The following ROBO4 variants were observed in gnomAD, a reference collection of about 807,000 sequenced individuals.
ROBO4 encodes the protein roundabout homolog 4.
Under a neutral mutation model 103.3 loss-of-function variants are expected in ROBO4, and 80 were observed. That is an observed-to-expected ratio of 0.77 (90% CI 0.65 to 0.93). ROBO4 has a LOEUF of 0.93. Ranked by LOEUF, ROBO4 falls within the 40% of genes least tolerant of loss-of-function variation. ROBO4 has a pLI of 0.00. For synonymous variants in ROBO4, 504 were observed against 529.7 expected, an observed-to-expected ratio of 0.95 and a Z score of 0.67; for missense variants, 1,333 against 1,305.3, an observed-to-expected ratio of 1.02 and a Z score of -0.33.
chr11:124,895,624 G>A lies in ROBO4; in HGVS notation c.869C>T (p.Pro290Leu), dbSNP rs146956716. The change falls in exon 6 of 18, where the codon CCG (proline) becomes CTG (leucine). Residue 290 changes from proline (P) to leucine (L), a missense_variant. Physicochemically the swap from Pro to Leu is moderately conservative, Grantham distance 98 (BLOSUM62 -3). Transcript: ENST00000306534. Reference sequence around the variant, plus strand: ...TGCCCACGGAGCTCCCTGGCCTCCCGGGGCAGTCTGGGTCCTGAACAAGGC... The same window carrying A: ...TGCCCACGGAGCTCCCTGGCCTCCCAGGGCAGTCTGGGTCCTGAACAAGGC... ...YTALFRTQTAPGGQGAPWAEE... is the reference protein window; with the variant it reads ...YTALFRTQTALGGQGAPWAEE... 70 of 1,613,754 alleles carry A rather than the reference G, an allele frequency of 4.3e-5. No homozygotes were observed. In the South Asian group the frequency reaches 5.3e-4, roughly 12 times the overall value.
In ROBO4 at chr11:124,895,516, G is replaced by A. The variant is rs1946870870; in HGVS notation, c.977C>T (p.Ser326Phe). The stretch of plus-strand genomic sequence containing the variant: ...GTCAGGGCCTCGAGCCCGGCCAGAG[G>A]ATGGTCTCACTTTGAACTCGTAGTC... ...GQDYEFKVRP[S>F]SGRARGPDSN... Residue 326 changes from serine (S) to phenylalanine (F), a missense_variant, in exon 6 of 18, where the codon TCC (serine) becomes TTC (phenylalanine). By Grantham distance (155) the Ser-to-Phe change is radical. Transcript: ENST00000306534. 1 of 1,611,740 alleles carries A rather than the reference G, an allele frequency of 6.2e-7. No homozygotes were observed.
chr11:124,886,638 C>A lies in ROBO4; in HGVS notation c.2620G>T (p.Ala874Ser). The change falls in exon 16 of 18, where the codon GCC (alanine) becomes TCC (serine). Residue 874 changes from alanine to serine, a missense_variant. Physicochemically the swap from Ala to Ser is moderately conservative, Grantham distance 99. Transcript: ENST00000306534. Reference protein sequence around the residue: ...LTPTPSEGSLANGWGSASEDN... With the variant: ...LTPTPSEGSLSNGWGSASEDN... The stretch of plus-strand genomic sequence containing the variant: ...TCAGAGGCTGAGCCCCAACCATTGG[C>A]TAAGGAGCCCTCGCTGGGGGTGGGG... 1 of 1,614,070 alleles carries A rather than the reference C, an allele frequency of 6.2e-7. No individual in the cohort carries two copies.
rs1308617796 is a variant in ROBO4, at chr11:124,886,656, G to C, written c.2602C>G (p.Pro868Ala). 1 of 1,613,946 alleles carries C rather than the reference G, an allele frequency of 6.2e-7. No homozygotes were observed. The highest frequency in any genetic ancestry group is 1.1e-5 in the South Asian group (1 of 91,074). ...CCATTGGCTAAGGAGCCCTCGCTGG[G>C]GGTGGGGGTGAGGCAGGGCCGAGGT... ...CPPRPCLTPT[P>A]SEGSLANGWG... The change falls in exon 16 of 18, where the codon CCC (proline) becomes GCC (alanine). Residue 868 changes from proline (P) to alanine (A), a missense_variant. Pro to Ala is a conservative substitution (Grantham distance 27). Transcript: ENST00000306534.
rs1946740632 is a variant in ROBO4, at chr11:124,887,798, T to C, written c.1991A>G (p.His664Arg). ...ANSSPLLRGSHSLELRACELG... is the reference protein window; with the variant it reads ...ANSSPLLRGSRSLELRACELG... Reference sequence around the variant, plus strand: ...CTCACAGGCCCGGAGCTCCAAGGAGTGGCTGCCCCGGAGCAGTGGGGAACT... The same window carrying C: ...CTCACAGGCCCGGAGCTCCAAGGAGCGGCTGCCCCGGAGCAGTGGGGAACT... The change falls in exon 13 of 18, where the codon CAC becomes CGC. Residue 664 changes from histidine (H) to arginine (R), a missense_variant. By Grantham distance (29) the His-to-Arg change is conservative. Transcript: ENST00000306534. 1.2e-6 allele frequency: 2 copies of C among 1,613,664 alleles called. No homozygotes were observed.
Position 124,886,707 on chromosome 11 carries a change from G to A in ROBO4, c.2551C>T (p.Pro851Ser), listed in dbSNP as rs1049069982. 2 of 1,608,034 alleles carry A rather than the reference G, an allele frequency of 1.2e-6. No homozygotes were observed. The highest frequency in any genetic ancestry group is 1.3e-5 in the African/African-American group (1 of 74,950). Residue 851 changes from proline (P) to serine (S), a missense_variant, in exon 16 of 18, where the codon CCC becomes TCC. By Grantham distance (74) the Pro-to-Ser change is moderately conservative. Coordinates refer to ENST00000306534, the MANE Select transcript of ROBO4 (RefSeq NM_019055.6). ...GGGCACAGCAAGACTCCCCCCTTGGGCCCCACCCCTCCTCCAGTCCTGCCC... is the reference window on the plus strand; with the variant it reads ...GGGCACAGCAAGACTCCCCCCTTGGACCCCACCCCTCCTCCAGTCCTGCCC... ...DMGRTGGGVG[P>S]KGGVLLCPPR...
rs1565320729 is a variant in ROBO4, at chr11:124,885,179, C to G, written c.2863G>C (p.Glu955Gln). ...TCTTCCAACCAGTCTGGCCTCCACT[C>G]CCACAGGGGCAGGGAGAGGTTGGGG... The part of the protein sequence containing the change: ...LTPNLSLPLW[E>Q]WRPDWLEDME... The change falls in exon 17 of 18, where the codon GAG (glutamate) becomes CAG (glutamine). Residue 955 changes from glutamate to glutamine, a missense_variant. Physicochemically the swap from Glu to Gln is conservative, Grantham distance 29. Coordinates refer to ENST00000306534, the MANE Select transcript of ROBO4 (RefSeq NM_019055.6). 2 of 1,613,976 alleles carry G rather than the reference C, an allele frequency of 1.2e-6. No homozygotes were observed. The highest frequency in any genetic ancestry group is 4.5e-5 in the East Asian group (2 of 44,884).
intron 16 of ROBO4, 128 bp from the exon 17 acceptor site, chr11:124,885,375 G>C: frequency 1.4e-6 from 1 of 690,966 alleles, no homozygotes; most frequent in Non-Finnish European, 2.4e-6. Flanking sequence ...CCCCAACTCA[G>C]CCCATCAGTC....
At chr11:124,895,982 T>C in intron 4 of ROBO4, 70 bp from the exon 5 acceptor site, 1 of 1,597,772 alleles carries the variant, frequency 6.3e-7, no homozygotes, top group Non-Finnish European at 8.5e-7. Context: ...GGAACATCCC[T>C]CAGCCAGGGA....
chr11:124,888,294 ACTC>A (rs1455203838), intron 12 of ROBO4, among the ~76,000 whole-genome samples: 4 of 152,050 alleles, frequency 2.6e-5, no homozygotes, highest in Non-Finnish European at 2.9e-5. Flanking sequence ...TAAGAAAAAT[ACTC>A]CTTCTTTTCT....
intron 10 of ROBO4, chr11:124,892,014 A>G (rs1326385584): frequency 1.4e-6 from 1 of 714,100 alleles, no homozygotes; most frequent in Non-Finnish European, 2.5e-6. Context: ...GATGAGGGGA[A>G]ATCCGAGTCA....
intron 12 of ROBO4, among the ~76,000 whole-genome samples, chr11:124,889,676 C>T (rs1946771167): frequency 6.6e-6 from 1 of 152,132 alleles, no homozygotes; most frequent in Admixed American, 6.5e-5. Flanking sequence ...GTGAGGATAT[C>T]AGCACTGGAG....
rs1045306019 is a variant in ROBO4 at position 124,894,043 on chromosome 11, G to C, written c.1321C>G (p.Gln441Glu). The change falls in exon 9 of 18, where the codon CAG becomes GAG. Residue 441 changes from glutamine (Q) to glutamate (E), a missense_variant and splice_region_variant. Coordinates refer to ENST00000306534, the MANE Select transcript of ROBO4 (RefSeq NM_019055.6). ...PSRPVCLLLEQAMERATQEPS... is the reference protein window; with the variant it reads ...PSRPVCLLLEEAMERATQEPS... ...TCTTGGGTGGCTCGCTCCATGGCCT[G>C]CTCTGTATGGGATGCAGAGCTCAGA... 6.5e-7 allele frequency: 1 copy of C among 1,546,200 alleles called. No homozygotes were observed. Among genetic ancestry groups the C allele is most frequent in the African/African-American group, 1.4e-5 (1 of 73,254 alleles).
rs770154109 is a variant in ROBO4, at chr11:124,895,629, A to G, written c.864T>C (p.Thr288=). The change falls in exon 6 of 18, where the codon ACT becomes ACC. Residue 288 remains threonine, a synonymous_variant. Transcript: ENST00000306534. ...QSYTALFRTQ[T]APGGQGAPWA... ...ACGGAGCTCCCTGGCCTCCCGGGGC[A>G]GTCTGGGTCCTGAACAAGGCCGTGT... 1 of 1,613,860 alleles carries G rather than the reference A, an allele frequency of 6.2e-7. No homozygotes were observed. The highest frequency in any genetic ancestry group is 8.5e-7 in the Non-Finnish European group (1 of 1,180,008).
Position 124,885,099 on chromosome 11 carries a change from A to G in ROBO4, c.2943T>C (p.Pro981=), listed in dbSNP as rs748336903. The part of the protein sequence containing the change: ...RLGRGMPPWP[P]DSQISSQRSQ... Reference sequence around the variant, plus strand: ...TTCTCTGGGAAGAGATCTGAGAGTCAGGGGGCCAGGGAGGCATCCCCCTTC... The same window carrying G: ...TTCTCTGGGAAGAGATCTGAGAGTCGGGGGGCCAGGGAGGCATCCCCCTTC... The change falls in exon 17 of 18, where the codon CCT becomes CCC. Residue 981 remains proline (P), a synonymous_variant. Coordinates refer to ENST00000306534, the MANE Select transcript of ROBO4 (RefSeq NM_019055.6). 1.2e-6 allele frequency: 2 copies of G among 1,614,142 alleles called. No individual in the cohort carries two copies. The highest frequency in any genetic ancestry group is 2.2e-5 in the South Asian group (2 of 91,078).
At chr11:124,891,585 A>G (rs1946799014) in intron 11 of ROBO4, 23 bp from the exon 12 acceptor site, 5 of 1,614,110 alleles carry the variant, frequency 3.1e-6, no homozygotes, top group Non-Finnish European at 4.2e-6. Context: ...TGACAGGAGG[A>G]ATTATGGTGA....
In ROBO4 at chr11:124,885,230, A is replaced by T. The variant is rs1946693292; in HGVS notation, c.2812T>A (p.Ser938Thr). Reference sequence around the variant, plus strand: ...GTCAGGAAGATCTCATCCCGTGGGGAGGGAGGTGATGAGGCATCTGTCAGG... The same window carrying T: ...GTCAGGAAGATCTCATCCCGTGGGGTGGGAGGTGATGAGGCATCTGTCAGG... ...CVFIDASSPP[S>T]PRDEIFLTPN... The change falls in exon 17 of 18, where the codon TCC (serine) becomes ACC (threonine). Residue 938 changes from serine (S) to threonine (T), a missense_variant. Transcript: ENST00000306534. 2 of 1,611,858 alleles carry T rather than the reference A, an allele frequency of 1.2e-6. No individual in the cohort carries two copies. The highest frequency in any genetic ancestry group is 1.7e-6 in the Non-Finnish European group (2 of 1,179,912).
rs902657828 is a variant in ROBO4, at chr11:124,896,581, G to A, written c.490C>T (p.His164Tyr). The A allele has an allele frequency of 5.0e-6, 8 of 1,613,998 alleles. No homozygotes were observed. Among genetic ancestry groups the A allele is most frequent in the Non-Finnish European group, 6.8e-6 (8 of 1,179,998 alleles). Residue 164 changes from histidine to tyrosine, a missense_variant, in exon 3 of 18, where the codon CAC (histidine) becomes TAC (tyrosine). Physicochemically the swap from His to Tyr is moderately conservative, Grantham distance 83. Transcript: ENST00000306534. ...FTLECGPPWGHPEPTVSWWKD... is the reference protein window; with the variant it reads ...FTLECGPPWGYPEPTVSWWKD... ...CACCATGAGACTGTGGGCTCTGGGT[G>A]GCCCCAGGGCGGCCCACATTCCAGA...
intron 10 of ROBO4, chr11:124,892,310 G>A (rs1946812667): frequency 9.4e-6 from 3 of 319,260 alleles, no homozygotes; most frequent in Non-Finnish European, 1.8e-5. Context: ...ATTGGCCTCT[G>A]GCTGCCTGAG....
chr11:124,896,704 G>T, intron 2 of ROBO4, 34 bp from the exon 3 acceptor site: 1 of 1,605,154 alleles, frequency 6.2e-7, no homozygotes. Context: ...ACGGAGCAGG[G>T]CCCAGGCCTC....
Sources: gnomAD v4.1 joint callset for allele counts (sites outside exome capture counted in the v4.1 genomes callset) on GRCh38, gnomAD v4.1.1 for gene constraint, MANE v1.5 for transcripts, NCBI Gene and HGNC (gene_info 2026-07-23, HGNC 2026-07-21) for gene names.